Variants in ANAPC5 observed in about 807,000 individuals in gnomAD.
ANAPC5 encodes anaphase promoting complex subunit 5.
In ANAPC5, 60 loss-of-function variants were observed where a neutral mutation model predicts 91.3. The ratio of observed to expected loss-of-function variants is 0.66; its 90% CI spans 0.53 to 0.81. The LOEUF is 0.81. ANAPC5 is among the 40% of genes least tolerant of loss of function. The probability of loss-of-function intolerance (pLI) is 0.00; values close to 1 mark genes in which losing one functional copy is unlikely to be tolerated. For synonymous variants in ANAPC5, 340 were observed against 364.1 expected, an observed-to-expected ratio of 0.93 and a Z score of 0.75; for missense variants, 690 against 931.5, an observed-to-expected ratio of 0.74 and a Z score of 3.37.
chr12:121,327,363 T>C (rs1369249669), intron 10 of ANAPC5, 132 bp from the exon 11 acceptor site: 1 of 1,048,564 alleles, frequency 9.5e-7, no homozygotes, highest in Non-Finnish European at 1.3e-6. Flanking sequence ...TGGGAGCAGA[T>C]GCCTCCCAGT....
At chr12:121,331,103 C>G in intron 8 of ANAPC5, 1 of 446,364 alleles carries the variant, frequency 2.2e-6, no homozygotes. Context: ...GGTTTCTCTT[C>G]TTTCATGGCA....
intron 8 of ANAPC5, 86 bp downstream of exon 8, chr12:121,331,261 A>C (rs1903032392): frequency 8.5e-7 from 1 of 1,177,988 alleles, no homozygotes; most frequent in East Asian, 2.4e-5. Context: ...CTCTGCTCCA[A>C]CTGCAAAACA....
Position 121,337,275 on chromosome 12 carries a change from T to G in ANAPC5, c.759+16A>C, listed in dbSNP as rs200700631. ...ATTCCTTTCCAACACAGCAACAAAT[T>G]CTGGGAAAGACTTACCGCTTCAGCA... On this transcript the variant is annotated intron_variant, in intron 6 of 16. Transcript: ENST00000261819. 6.7e-5 allele frequency: 108 copies of G among 1,600,028 alleles called. No individual in the cohort carries two copies. Among genetic ancestry groups the G allele is most frequent in the Middle Eastern group, 5.0e-4 (3 of 6,040 alleles).
chr12:121,350,353 G>A lies in ANAPC5; in HGVS notation c.207+1781C>T, dbSNP rs575781027. Among the ~76,000 whole-genome samples the A allele has an allele frequency of 2.0e-5, 3 of 152,322 alleles. No individual in the cohort carries two copies. The South Asian group carries it at 6.2e-4, about 32-fold the overall frequency. Reference sequence around the variant, plus strand: ...CCATCACTGTTACTCAACAGACAATGCTTATCCATCAAGGCACAGCTTCAC... The same window carrying A: ...CCATCACTGTTACTCAACAGACAATACTTATCCATCAAGGCACAGCTTCAC... On this transcript the variant is annotated intron_variant, in intron 1 of 16. Coordinates refer to ENST00000261819, the MANE Select transcript of ANAPC5 (RefSeq NM_016237.5).
intron 15 of ANAPC5, among the ~76,000 whole-genome samples, chr12:121,314,624 CT>C (rs543772258): frequency 1.1e-3 from 167 of 145,354 alleles, no homozygotes; most frequent in Non-Finnish European, 1.0e-3. Context: ...AGGACATACA[CT>C]TTTTTTTTTT....
At position 121,335,627 on chromosome 12, in the gene ANAPC5, C is replaced by G; in HGVS notation, c.856G>C (p.Ala286Pro). 6.2e-7 allele frequency: 1 copy of G among 1,614,114 alleles called. No homozygotes were observed. Among genetic ancestry groups the G allele is most frequent in the Non-Finnish European group, 8.5e-7 (1 of 1,179,964 alleles). ...TCTTCCCCATTACTTTTGCTTTCGGCTCCGGTAAGAATCAGACGATCAAAA... is the reference window on the plus strand; with the variant it reads ...TCTTCCCCATTACTTTTGCTTTCGGGTCCGGTAAGAATCAGACGATCAAAA... ...HYFDRLILTG[A>P]ESKSNGEEGY... Residue 286 changes from alanine to proline, a missense_variant, in exon 7 of 17, where the codon GCC becomes CCC. Physicochemically the swap from Ala to Pro is conservative, Grantham distance 27 (BLOSUM62 -1). Around this residue, in one of 5 missense-constraint regions of ANAPC5, gnomAD observed 83 missense variants for 150.8 expected, o/e 0.55. Transcript: ENST00000261819.
chr12:121,323,629 C>G (rs920206368), intron 11 of ANAPC5, among the ~76,000 whole-genome samples: 11 of 152,076 alleles, frequency 7.2e-5, no homozygotes, highest in African/African-American at 2.7e-4. Context: ...TAAACAGCAC[C>G]CAACTGGGAG....
chr12:121,342,344 C>T lies in ANAPC5; in HGVS notation c.591-275G>A, dbSNP rs1223445974. ...TTTCCAACCAATGATGCTGGGAAAACTGCACATCCACATGCAAAAGCATGA... is the reference window on the plus strand; with the variant it reads ...TTTCCAACCAATGATGCTGGGAAAATTGCACATCCACATGCAAAAGCATGA... On this transcript the variant is annotated intron_variant, in intron 4 of 16. Transcript: ENST00000261819. The surrounding 1 kb of genome is among the most constrained non-coding windows in gnomAD (Gnocchi z 4.1). Among the ~76,000 whole-genome samples the T allele has an allele frequency of 6.6e-6, 1 of 152,118 alleles. No homozygotes were observed. Among genetic ancestry groups the T allele is most frequent in the Admixed American group, 6.5e-5 (1 of 15,272 alleles).
chr12:121,352,176 C>T lies in ANAPC5; in HGVS notation c.165G>A (p.Met55Ile). ...GCAGCTGGTTGAGCCTCCGCCGCTC[C>T]ATGAGGCTGACGGCGCCCTCGCCTG... is the stretch of plus-strand genomic sequence containing the variant. ...SRTGEGAVSL[M>I]ERRRLNQLLL... Residue 55 changes from methionine (M) to isoleucine (I), a missense_variant, in exon 1 of 17, where the codon ATG becomes ATA. Met to Ile is a conservative substitution (Grantham distance 10). Around this residue, in one of 5 missense-constraint regions of ANAPC5, gnomAD observed 238 missense variants for 264.9 expected, o/e 0.90. Coordinates refer to ENST00000261819, the MANE Select transcript of ANAPC5 (RefSeq NM_016237.5). The T allele has an allele frequency of 1.2e-6, 2 of 1,613,070 alleles. No homozygotes were observed. Among genetic ancestry groups the T allele is most frequent in the South Asian group, 2.2e-5 (2 of 91,070 alleles).
intron 6 of ANAPC5, among the ~76,000 whole-genome samples, chr12:121,336,999 C>T (rs1217627564): frequency 6.6e-6 from 1 of 152,186 alleles, no homozygotes; most frequent in African/African-American, 2.4e-5. Context: ...GCGGGCAGAT[C>T]ATGAGGTCAG....
At chr12:121,352,431 C>G (rs1903941627), upstream of ANAPC5, 3 of 1,032,978 alleles carry the variant, frequency 2.9e-6, no homozygotes, top group African/African-American at 4.8e-5. Flanking sequence ...TCTCCGCCCG[C>G]CCTCACAATA....
In ANAPC5 at chr12:121,308,506, C is replaced by A. The variant is rs1902027752; in HGVS notation, c.2242G>T (p.Gly748Trp). 1.2e-6 allele frequency: 2 copies of A among 1,613,968 alleles called. No individual in the cohort carries two copies. Among genetic ancestry groups the A allele is most frequent in the Non-Finnish European group, 1.7e-6 (2 of 1,180,012 alleles). ...RQLHQELPSHGVPLINHL is the reference protein window; with the variant it reads ...RQLHQELPSHWVPLINHL The stretch of plus-strand genomic sequence containing the variant: ...TAGAGATGGTTTATCAAGGGTACCC[C>A]ATGAGAGGGCAGCTCCTGATGCAGC... The change falls in exon 17 of 17, where the codon GGG becomes TGG. Residue 748 changes from glycine (G) to tryptophan (W), a missense_variant. By Grantham distance (184) the Gly-to-Trp change is radical (BLOSUM62 -2). Coordinates refer to ENST00000261819, the MANE Select transcript of ANAPC5 (RefSeq NM_016237.5).
chr12:121,315,027 G>T (rs1226365960), intron 15 of ANAPC5, among the ~76,000 whole-genome samples: 1 of 151,802 alleles, frequency 6.6e-6, no homozygotes, highest in African/African-American at 2.4e-5. Flanking sequence ...AATGGAAGAG[G>T]TAAAACTATC....
chr12:121,322,821 G>A (rs985957616), intron 11 of ANAPC5, among the ~76,000 whole-genome samples: 1 of 152,114 alleles, frequency 6.6e-6, no homozygotes, highest in African/African-American at 2.4e-5. Context: ...CTAGAAGTTT[G>A]AGACCAGCCT....
intron 6 of ANAPC5, among the ~76,000 whole-genome samples, chr12:121,336,668 G>T (rs552718691): frequency 6.6e-6 from 1 of 152,140 alleles, no homozygotes; most frequent in Non-Finnish European, 1.5e-5. Context: ...CAACAAGAGC[G>T]AAACTCAGTC....
At chr12:121,319,019 CAA>C (rs879845439) in intron 13 of ANAPC5, among the ~76,000 whole-genome samples, 1 of 133,366 alleles carries the variant, frequency 7.5e-6, no homozygotes, top group Non-Finnish European at 1.6e-5. Context: ...GACTCTGCCT[CAA>C]AAAAAAAAAA....
intron 1 of ANAPC5, among the ~76,000 whole-genome samples, chr12:121,348,247 T>C (rs541898410): frequency 1.3e-5 from 2 of 152,330 alleles, no homozygotes; most frequent in African/African-American, 2.4e-5. Context: ...AATAAGATAA[T>C]ACAAAGTGCT....
intron 4 of ANAPC5, among the ~76,000 whole-genome samples, chr12:121,344,850 G>A (rs1307712773): frequency 6.6e-6 from 1 of 152,178 alleles, no homozygotes; most frequent in East Asian, 1.9e-4. Context: ...CATTGGGCCA[G>A]GTTATACAGG....
intron 15 of ANAPC5, among the ~76,000 whole-genome samples, chr12:121,316,413 A>G (rs1257923272): frequency 6.6e-6 from 1 of 152,134 alleles, no homozygotes; most frequent in Non-Finnish European, 1.5e-5. Context: ...ATGACTCAGC[A>G]ATTCCGTTCG....
Sources: gnomAD v4.1 joint callset for allele counts (sites outside exome capture counted in the v4.1 genomes callset) on GRCh38, gnomAD v4.1.1 for gene constraint, gnomAD v4.1.1 regional missense constraint, Gnocchi (gnomAD v3.1) non-coding constraint, MANE v1.5 for transcripts, NCBI Gene and HGNC (gene_info 2026-07-23, HGNC 2026-07-21) for gene names.